The following TNFSF4 variants were observed in gnomAD, a reference collection of about 807,000 sequenced individuals.
TNFSF4 encodes TNF superfamily member 4.
TNFSF4 carries 4 observed loss-of-function variants against 7.3 expected under a neutral mutation model. That is an observed-to-expected ratio of 0.55 (90% confidence interval 0.27 to 1.25). The LOEUF (loss-of-function observed/expected upper bound fraction) is 1.25. Ranked by LOEUF, TNFSF4 falls within the 50% of genes most tolerant of loss-of-function variation. The pLI, the probability that TNFSF4 is intolerant of heterozygous loss-of-function variation, is 0.12. For missense variants in TNFSF4, 181 were observed against 208.8 expected (o/e 0.87, Z 0.82); for synonymous variants, 76 against 83.7 (o/e 0.91, Z 0.50).
At chr1:173,313,413 A>G in the TNFSF4 span, among the ~76,000 whole-genome samples, 2 of 152,120 alleles carry the variant, frequency 1.3e-5, no homozygotes, top group East Asian at 1.9e-4. Flanking sequence ...TGCTGTGTCT[A>G]CTTCGCTTGA....
chr1:173,415,518 C>T, the TNFSF4 span, among the ~76,000 whole-genome samples: 1 of 152,238 alleles, frequency 6.6e-6, no homozygotes, highest in African/African-American at 2.4e-5. Flanking sequence ...CAATTTGGGA[C>T]ACTCCAGGAG....
chr1:173,378,237 TTTCTGC>T, the TNFSF4 span, among the ~76,000 whole-genome samples: 1 of 150,986 alleles, frequency 6.6e-6, no homozygotes, highest in Admixed American at 6.6e-5. Context: ...GCAAGAGGTG[TTTCTGC>T]TACTGCATCA....
chr1:173,404,994 C>T, the TNFSF4 span, among the ~76,000 whole-genome samples: 1 of 152,120 alleles, frequency 6.6e-6, no homozygotes, highest in East Asian at 1.9e-4. Context: ...ATCCATTTTA[C>T]TCTGCTCTAT....
At chr1:173,287,155 T>C in the TNFSF4 span, among the ~76,000 whole-genome samples, 11,842 of 151,906 alleles carry the variant, frequency 0.078, 901 homozygotes, top group African/African-American at 0.2. Context: ...CGATGCCCCC[T>C]GATGTCTCCA....
At chr1:173,415,229 G>A in the TNFSF4 span, among the ~76,000 whole-genome samples, 1 of 152,142 alleles carries the variant, frequency 6.6e-6, no homozygotes, top group African/African-American at 2.4e-5. Context: ...TTTATTAGGG[G>A]CAAGACCACG....
At chr1:173,345,970 C>G in the TNFSF4 span, among the ~76,000 whole-genome samples, 1 of 152,120 alleles carries the variant, frequency 6.6e-6, no homozygotes, top group South Asian at 2.1e-4. Flanking sequence ...GCAAGAGTGA[C>G]CCTGAGGGCA....
the TNFSF4 span, among the ~76,000 whole-genome samples, chr1:173,416,697 T>C: frequency 6.6e-6 from 1 of 150,504 alleles, no homozygotes; most frequent in Non-Finnish European, 1.5e-5. Flanking sequence ...GATGTCATTT[T>C]GGCTCACTGC....
the TNFSF4 span, among the ~76,000 whole-genome samples, chr1:173,263,044 G>A: frequency 1.3e-5 from 2 of 152,194 alleles, no homozygotes; most frequent in South Asian, 4.1e-4. Flanking sequence ...CACAATTGCT[G>A]CAAAAAGAAT....
the TNFSF4 span, among the ~76,000 whole-genome samples, chr1:173,380,357 T>C: frequency 6.6e-6 from 1 of 152,020 alleles, no homozygotes; most frequent in South Asian, 2.1e-4. Context: ...GTCTGGGCAT[T>C]GGAAGGACAA....
chr1:173,387,813 C>A, the TNFSF4 span, among the ~76,000 whole-genome samples: 1 of 152,040 alleles, frequency 6.6e-6, no homozygotes. Flanking sequence ...AGAAAAGAAA[C>A]CTATTTCATA....
chr1:173,359,470 AG>A, the TNFSF4 span, among the ~76,000 whole-genome samples: 2,506 of 83,694 alleles, frequency 0.03, 79 homozygotes, highest in African/African-American at 0.078. Context: ...AAAAAAGAAA[AG>A]AAAAAAGAAA....
the TNFSF4 span, among the ~76,000 whole-genome samples, chr1:173,408,791 T>C: frequency 6.6e-6 from 1 of 152,124 alleles, no homozygotes; most frequent in Non-Finnish European, 1.5e-5. Context: ...GGTTTCACCA[T>C]GTTTCCCAGG....
chr1:173,443,177 C>T, the TNFSF4 span, among the ~76,000 whole-genome samples: 1 of 152,130 alleles, frequency 6.6e-6, no homozygotes, highest in East Asian at 1.9e-4. Flanking sequence ...TGTGGTTATG[C>T]AGAAAAGATG....
At chr1:173,363,354 C>A in the TNFSF4 span, 1 of 311,438 alleles carries the variant, frequency 3.2e-6, no homozygotes. Flanking sequence ...CAGCTATCAA[C>A]TGAGATATCA....
At chr1:173,251,721 C>T in the TNFSF4 span, among the ~76,000 whole-genome samples, 2 of 152,176 alleles carry the variant, frequency 1.3e-5, no homozygotes, top group African/African-American at 4.8e-5. Flanking sequence ...AGGGAAAATA[C>T]ATATAAAGGA....
the TNFSF4 span, among the ~76,000 whole-genome samples, chr1:173,399,275 A>T: frequency 6.6e-6 from 1 of 152,208 alleles, no homozygotes; most frequent in Non-Finnish European, 1.5e-5. Flanking sequence ...CTCTAAGAAC[A>T]GCTGACAGAT....
At chr1:173,380,884 ATTC>A in the TNFSF4 span, among the ~76,000 whole-genome samples, 3 of 152,120 alleles carry the variant, frequency 2.0e-5, no homozygotes, top group African/African-American at 4.8e-5. Flanking sequence ...GCTAAGGTAT[ATTC>A]TTCTTATGTG....
chr1:173,332,029 C>G, the TNFSF4 span, among the ~76,000 whole-genome samples: 1 of 152,080 alleles, frequency 6.6e-6, no homozygotes, highest in African/African-American at 2.4e-5. Flanking sequence ...AGGACAGCTT[C>G]TTACAACAAA....
chr1:173,203,662 T>G (rs1396489518), intron 1 of TNFSF4, among the ~76,000 whole-genome samples: 1 of 152,122 alleles, frequency 6.6e-6, no homozygotes, highest in Non-Finnish European at 1.5e-5. Context: ...TTTCTAAGTA[T>G]CTCTACTTCT....
Sources: allele counts gnomAD v4.1 joint callset (sites outside exome capture counted in the v4.1 genomes callset), GRCh38; gene constraint gnomAD v4.1.1; transcripts MANE v1.5; gene names NCBI Gene and HGNC (gene_info 2026-07-23, HGNC 2026-07-21).